SLC19A1: variants seen among roughly 807,000 people sequenced by gnomAD.
The protein encoded by SLC19A1 is solute carrier family 19 member 1.
SLC19A1 carries 37 observed loss-of-function variants against 35.3 expected under a neutral mutation model. The ratio of observed to expected loss-of-function variants is 1.05; its 90% CI spans 0.81 to 1.38. The LOEUF is 1.38. Ranked by LOEUF, SLC19A1 falls within the 40% of genes most tolerant of loss-of-function variation. The pLI is 0.00. For synonymous variants in SLC19A1, 460 were observed against 398.5 expected (o/e 1.15, Z -1.84); for missense variants, 831 against 826.9 (o/e 1.00, Z -0.06).
At chr21:45,512,307 G>A (rs781659635), downstream of SLC19A1, 32 of 1,612,372 alleles carry the variant, frequency 2.0e-5, no homozygotes, top group Non-Finnish European at 2.6e-5. Context: ...TCGCTGCTGG[G>A]GGGCAGGCTC....
chr21:45,518,111 CA>C (rs2146221271), intron 5 of SLC19A1, among the ~76,000 whole-genome samples: 1 of 152,232 alleles, frequency 6.6e-6, no homozygotes, highest in African/African-American at 2.4e-5. Context: ...AAAAATGCTT[CA>C]GTGAACAATA....
intron 1 of SLC19A1, among the ~76,000 whole-genome samples, chr21:45,555,170 GCAGGGGGCGGTGCA>G (rs1444868300): frequency 2.6e-5 from 2 of 76,070 alleles, no homozygotes; most frequent in African/African-American, 1.2e-4. Flanking sequence ...CGGGGGCGGC[GCAGGGGGCGGTGCA>G]GGGGGCGGCG....
chr21:45,539,732 C>T (rs1231961417), intron 1 of SLC19A1, among the ~76,000 whole-genome samples: 4 of 152,162 alleles, frequency 2.6e-5, no homozygotes, highest in Non-Finnish European at 5.9e-5. Flanking sequence ...CATCTGGGGT[C>T]CCGTCTTGAC....
chr21:45,541,369 G>A (rs917712278), intron 1 of SLC19A1, among the ~76,000 whole-genome samples: 2 of 152,258 alleles, frequency 1.3e-5, no homozygotes, highest in African/African-American at 4.8e-5. Flanking sequence ...TTGAATCTGG[G>A]CTGTGCGGGG....
intron 1 of SLC19A1, among the ~76,000 whole-genome samples, chr21:45,555,484 C>T (rs1295737867): frequency 8.8e-6 from 1 of 114,052 alleles, no homozygotes; most frequent in Non-Finnish European, 1.8e-5. Context: ...GGGGAACCGG[C>T]TTGGGTGGCC....
upstream of SLC19A1, among the ~76,000 whole-genome samples, chr21:45,548,106 A>G (rs778755749): frequency 7.2e-5 from 11 of 152,232 alleles, no homozygotes; most frequent in African/African-American, 1.4e-4. Context: ...GAGTCCGGCA[A>G]TAGGACCACC....
Position 45,532,134 on chromosome 21 carries a change from G to T in SLC19A1, c.204C>A (p.Ile68=), listed in dbSNP as rs745732802. 5 of 1,600,120 alleles carry T rather than the reference G, an allele frequency of 3.1e-6. No individual in the cohort carries two copies. Among genetic ancestry groups the T allele is most frequent in the Non-Finnish European group, 3.4e-6 (4 of 1,171,284 alleles). ...GGTAGGAGTACGACAGCACCGGCGT[G>T]ATCTCGTTCGTGACCTGCGGACAGG... ...NFTREQVTNE[I]TPVLSYSYLA... The change falls in exon 3 of 6, where the codon ATC becomes ATA. Residue 68 remains isoleucine, a synonymous_variant. Transcript: ENST00000311124.
rs1210684537 is a variant in SLC19A1, at chr21:45,532,060, G to T, written c.278C>A (p.Thr93Lys). The change falls in exon 3 of 6, where the codon ACG becomes AAG. Residue 93 changes from threonine to lysine, a missense_variant. Transcript: ENST00000311124. ...GAGCCCCTGCAGCAGCAGCACCGGC[G>T]TGTAGCGCAGGTAGTCGGTGAGCAG... ...VFLLTDYLRYTPVLLLQGLSF... is the reference protein window; with the variant it reads ...VFLLTDYLRYKPVLLLQGLSF... 4.3e-6 allele frequency: 7 copies of T among 1,612,578 alleles called. No homozygotes were observed. In the East Asian group the frequency reaches 6.7e-5, roughly 15 times the overall value.
Position 45,517,045 on chromosome 21 carries a change from GGGT to G in SLC19A1, c.1294-908_1294-906del, listed in dbSNP as rs1254457428. ...GGAGGACAGACTGACCAGGCCCTCG[GGGT>G]CTGGGGAGCTGTGCCACACAAGGGC... On this transcript the variant is annotated intron_variant, in intron 5 of 5. Transcript: ENST00000311124. This position sits in a 1 kb window ranked among gnomAD's most constrained non-coding sequence, Gnocchi z 4.4. Among the ~76,000 whole-genome samples the G allele has an allele frequency of 5.9e-5, 9 of 152,130 alleles. No homozygotes were observed. The highest frequency in any genetic ancestry group is 8.8e-5 in the Non-Finnish European group (6 of 68,008).
In SLC19A1 at chr21:45,533,107, C is replaced by A. The variant is rs2077989169; in HGVS notation, c.190-959G>T. 6.6e-6 allele frequency among the ~76,000 whole-genome samples: 1 copy of A among 152,186 alleles called. No homozygotes were observed. Among genetic ancestry groups the A allele is most frequent in the Admixed American group, 6.5e-5 (1 of 15,282 alleles). On this transcript the variant is annotated intron_variant, in intron 2 of 5. Transcript: ENST00000311124. The surrounding 1 kb of genome is among the most constrained non-coding windows in gnomAD (Gnocchi z 4.5). Reference sequence around the variant, plus strand: ...GGGGGCAAACGCCCCTGTAGCCGCCCTGCACCCTCCCAGGAGGGGGAGCAC... The same window carrying A: ...GGGGGCAAACGCCCCTGTAGCCGCCATGCACCCTCCCAGGAGGGGGAGCAC...
At chr21:45,537,197 G>A (rs1267030009) in intron 2 of SLC19A1, among the ~76,000 whole-genome samples, 3 of 152,164 alleles carry the variant, frequency 2.0e-5, no homozygotes, top group Admixed American at 6.5e-5. Flanking sequence ...TCTCTCTGCA[G>A]GACACAATAT....
chr21:45,517,341 CCCA>C lies in SLC19A1; in HGVS notation c.1294-1204_1294-1202del, dbSNP rs202165295. Among the ~76,000 whole-genome samples, 1,508 of 152,260 alleles carry C rather than the reference CCCA, an allele frequency of 9.9e-3. 23 individuals are homozygous for C. Among genetic ancestry groups the C allele is most frequent in the African/African-American group, 0.034 (1,432 of 41,548 alleles). On this transcript the variant is annotated intron_variant, in intron 5 of 5. Transcript: ENST00000311124. The surrounding 1 kb of genome is among the most constrained non-coding windows in gnomAD (Gnocchi z 4.4). ...CCGCAAACACCAGACCTCGGCTCCA[CCCA>C]CCATGTCAGCAAGGACCCCCCACCC... is the stretch of plus-strand genomic sequence containing the variant.
In SLC19A1 at chr21:45,514,776, A is replaced by G; in HGVS notation, c.*882T>C. 1 of 521,126 alleles carries G rather than the reference A, an allele frequency of 1.9e-6. No individual in the cohort carries two copies. Among genetic ancestry groups the G allele is most frequent in the Non-Finnish European group, 3.3e-6 (1 of 300,388 alleles). 32.3% of individuals were successfully genotyped at this position (521,126 alleles called of 1,614,324 possible). The stretch of plus-strand genomic sequence containing the variant: ...TTCACATCACATCAGATGGTCCCGC[A>G]CCTGTGGGCAAGGCACTAGCGCTCC... On this transcript the variant is annotated 3_prime_UTR_variant, in exon 6 of 6. Transcript: ENST00000311124.
chr21:45,515,613 T>C lies in SLC19A1; in HGVS notation c.*45A>G. On this transcript the variant is annotated 3_prime_UTR_variant, in exon 6 of 6. Transcript: ENST00000311124. ...GCCCTCGAGGCAGGGGTCGTGGGGA[T>C]GCACTGAGGGCCGCCTGCAAAGTTA... The C allele has an allele frequency of 6.2e-7, 1 of 1,610,258 alleles. No homozygotes were observed. The highest frequency in any genetic ancestry group is 8.5e-7 in the Non-Finnish European group (1 of 1,179,728).
chr21:45,516,364 T>C (rs2037942743), intron 5 of SLC19A1, among the ~76,000 whole-genome samples: 1 of 152,176 alleles, frequency 6.6e-6, no homozygotes, highest in African/African-American at 2.4e-5. Flanking sequence ...GTTCCCACCA[T>C]TTCCCAAGAA....
intron 2 of SLC19A1, chr21:45,536,383 A>T (rs1290781070): frequency 6.6e-6 from 1 of 152,528 alleles, no homozygotes; most frequent in Non-Finnish European, 1.5e-5. Context: ...AAGAGCAGAG[A>T]TGCCATCTGG....
chr21:45,522,794 C>CGGAGAAGA, intron 5 of SLC19A1, among the ~76,000 whole-genome samples: 1 of 152,126 alleles, frequency 6.6e-6, no homozygotes, highest in Middle Eastern at 3.4e-3. Context: ...CTCATACAAG[C>CGGAGAAGA]GGAGAAGAGG....
chr21:45,548,162 TG>T (rs1196811908), upstream of SLC19A1, among the ~76,000 whole-genome samples: 3 of 152,222 alleles, frequency 2.0e-5, no homozygotes, highest in South Asian at 4.1e-4. Flanking sequence ...GTAATTCATT[TG>T]GGGAAAGGGT....
At chr21:45,503,614 C>T (rs1176901756) in intron 3 of SLC19A1, among the ~76,000 whole-genome samples, 52 of 125,758 alleles carry the variant, frequency 4.1e-4, no homozygotes, top group South Asian at 2.0e-3. Flanking sequence ...GGAAGGGGAA[C>T]ATCACACTCT....
Sources: allele counts gnomAD v4.1 joint callset (sites outside exome capture counted in the v4.1 genomes callset), GRCh38; gene constraint gnomAD v4.1.1; non-coding constraint Gnocchi (gnomAD v3.1); transcripts MANE v1.5; gene names NCBI Gene and HGNC (gene_info 2026-07-23, HGNC 2026-07-21).